OLA1: variants seen among roughly 807,000 people sequenced by gnomAD.
The protein encoded by OLA1 is Obg like ATPase 1, also known as obg-like ATPase 1.
Under a neutral mutation model 48.4 loss-of-function variants are expected in OLA1, and 14 were observed. The ratio of observed to expected loss-of-function variants is 0.29; its 90% confidence interval spans 0.19 to 0.45. The LOEUF is 0.45. OLA1 is among the 20% of genes least tolerant of loss of function. The probability of loss-of-function intolerance (pLI) is 1.00; values close to 1 mark genes in which losing one functional copy is unlikely to be tolerated. For missense variants in OLA1, 325 were observed against 467.1 expected (o/e 0.70, Z 2.80); for synonymous variants, 127 against 150.4 (o/e 0.84, Z 1.14).
chr2:174,173,553 C>A (rs768271292), intron 4 of OLA1, among the ~76,000 whole-genome samples: 1 of 151,878 alleles, frequency 6.6e-6, no homozygotes, highest in African/African-American at 2.4e-5. Flanking sequence ...AAGTTTACAA[C>A]TTGATTTTTT....
chr2:174,219,040 A>G lies in OLA1; in HGVS notation c.373+3993T>C, dbSNP rs76381070. Among the ~76,000 whole-genome samples the G allele has an allele frequency of 3.0e-3, 421 of 141,122 alleles. 5 individuals are homozygous for G. The highest frequency in any genetic ancestry group is 0.01 in the African/African-American group (375 of 36,882). 92.6% of individuals were successfully genotyped at this position (141,122 alleles called of 152,430 possible). ...GTGGTCTCCCTGTGCTTCCCGGGCC[A>G]ATCTTGAACTCCTAAGCTCAAGTGA... On this transcript the variant is annotated intron_variant, in intron 4 of 10. Coordinates refer to ENST00000284719, the MANE Select transcript of OLA1 (RefSeq NM_013341.5).
intron 7 of OLA1, among the ~76,000 whole-genome samples, chr2:174,111,892 T>G (rs775266052): frequency 2.6e-5 from 4 of 152,186 alleles, no homozygotes; most frequent in Non-Finnish European, 5.9e-5. Context: ...ATTTTCAATA[T>G]AAAAATATAT....
chr2:174,234,776 T>C (rs1688807786), intron 2 of OLA1, among the ~76,000 whole-genome samples: 1 of 151,520 alleles, frequency 6.6e-6, no homozygotes, highest in African/African-American at 2.4e-5. Context: ...CAACTGTACC[T>C]TAAGGAGAAA....
intron 4 of OLA1, among the ~76,000 whole-genome samples, chr2:174,159,719 T>C (rs1686968884): frequency 6.6e-6 from 1 of 152,116 alleles, no homozygotes; most frequent in African/African-American, 2.4e-5. Flanking sequence ...CTGGGTGCCA[T>C]AAACTATAAA....
chr2:174,213,367 G>A (rs1183273025), intron 4 of OLA1, among the ~76,000 whole-genome samples: 4 of 152,098 alleles, frequency 2.6e-5, no homozygotes, highest in Non-Finnish European at 4.4e-5. Context: ...TAGTGATACT[G>A]CCAAAGGTGC....
intron 4 of OLA1, among the ~76,000 whole-genome samples, chr2:174,151,356 A>G (rs142098122): frequency 5.4e-4 from 82 of 152,222 alleles, no homozygotes; most frequent in Non-Finnish European, 1.0e-3. Flanking sequence ...GAAAAAGAGA[A>G]ATAAAATTAT....
chr2:174,223,350 T>C (rs1304048435), intron 3 of OLA1, among the ~76,000 whole-genome samples, 190 bp from the exon 4 acceptor site: 12 of 152,218 alleles, frequency 7.9e-5, no homozygotes, highest in Admixed American at 3.9e-4. Flanking sequence ...ATTTGGACTT[T>C]CTTACCTAGG....
intron 3 of OLA1, among the ~76,000 whole-genome samples, chr2:174,226,513 T>G (rs1305291799): frequency 1.3e-5 from 2 of 152,166 alleles, no homozygotes; most frequent in Admixed American, 1.3e-4. Context: ...CTTTTGTTCT[T>G]TTTTTGAGAC....
chr2:174,103,394 C>T (rs1441899095), intron 7 of OLA1, among the ~76,000 whole-genome samples: 1 of 152,188 alleles, frequency 6.6e-6, no homozygotes, highest in Non-Finnish European at 1.5e-5. Context: ...CATCTGTTTA[C>T]ACTATTGTCT....
intron 5 of OLA1, among the ~76,000 whole-genome samples, chr2:174,123,988 C>T (rs1331078456): frequency 1.3e-5 from 2 of 151,934 alleles, no homozygotes; most frequent in African/African-American, 4.8e-5. Context: ...CCTAGTGATG[C>T]CATATAGAAG....
At chr2:174,103,025 G>A (rs1685431950) in intron 7 of OLA1, among the ~76,000 whole-genome samples, 1 of 152,078 alleles carries the variant, frequency 6.6e-6, no homozygotes, top group South Asian at 2.1e-4. Context: ...TAGTGTGAAA[G>A]GCAAGCAGGG....
intron 4 of OLA1, among the ~76,000 whole-genome samples, chr2:174,164,348 A>AATACCATTCTGCATAGTTCAGAATGG: frequency 8.1e-6 from 1 of 124,126 alleles, no homozygotes; most frequent in Non-Finnish European, 1.6e-5. Flanking sequence ...GGCACTACGC[A>AATACCATTCTGCATAGTTCAGAATGG]ATACCATTCT....
chr2:174,193,636 C>T (rs1186165350), intron 4 of OLA1, among the ~76,000 whole-genome samples: 1 of 152,110 alleles, frequency 6.6e-6, no homozygotes, highest in Non-Finnish European at 1.5e-5. Flanking sequence ...TATTGTTACC[C>T]TGAGTATACT....
intron 4 of OLA1, among the ~76,000 whole-genome samples, chr2:174,151,410 C>T (rs895020275): frequency 6.6e-6 from 1 of 152,120 alleles, no homozygotes; most frequent in African/African-American, 2.4e-5. Flanking sequence ...CCAAAACAAA[C>T]TATATGCTAC....
chr2:174,128,097 G>C (rs144650791), intron 5 of OLA1, among the ~76,000 whole-genome samples: 110 of 151,732 alleles, frequency 7.2e-4, no homozygotes, highest in African/African-American at 2.6e-3. Flanking sequence ...ATATAGATTA[G>C]AAACAATCTA....
intron 4 of OLA1, among the ~76,000 whole-genome samples, chr2:174,219,206 G>A (rs939347162): frequency 2.6e-5 from 4 of 151,164 alleles, no homozygotes; most frequent in Non-Finnish European, 5.9e-5. Flanking sequence ...ACTTTGGCAG[G>A]CCAAGGCGGA....
At position 174,223,765 on chromosome 2, in the gene OLA1, C is replaced by CAAAAAAAAA. The variant is rs71021680; in HGVS notation, c.246-614_246-606dup. On this transcript the variant is annotated intron_variant, in intron 3 of 10. Transcript: ENST00000284719. ...TTTGATCACCCACATGTTATATAGA[C>CAAAAAAAAA]AAAAAAAAAAAAAAAAAAAAAAAGC... Among the ~76,000 whole-genome samples the CAAAAAAAAA allele has an allele frequency of 8.2e-5, 6 of 73,342 alleles. 1 individual carries two copies. The highest frequency in any genetic ancestry group is 1.1e-4 in the African/African-American group (2 of 18,358). 48.1% of individuals were successfully genotyped at this position (73,342 alleles called of 152,430 possible).
chr2:174,100,675 A>G (rs1330120793), intron 7 of OLA1, among the ~76,000 whole-genome samples: 1 of 152,126 alleles, frequency 6.6e-6, no homozygotes, highest in Non-Finnish European at 1.5e-5. Context: ...AGAAAAAAAT[A>G]TTTTCTATTG....
intron 2 of OLA1, among the ~76,000 whole-genome samples, chr2:174,235,329 G>A (rs185483828): frequency 6.6e-6 from 1 of 152,108 alleles, no homozygotes; most frequent in Non-Finnish European, 1.5e-5. Context: ...CCAAATCATA[G>A]ATTTCTATGA....
Sources: allele counts gnomAD v4.1 joint callset (sites outside exome capture counted in the v4.1 genomes callset), GRCh38; gene constraint gnomAD v4.1.1; transcripts MANE v1.5; gene names NCBI Gene and HGNC (gene_info 2026-07-23, HGNC 2026-07-21).